The following MAGI2 variants were observed in gnomAD, a reference collection of about 807,000 sequenced individuals.
MAGI2 encodes membrane-associated guanylate kinase, WW and PDZ domain-containing protein 2.
Under a neutral mutation model 133.3 loss-of-function variants are expected in MAGI2, and 35 were observed. The observed-to-expected ratio is 0.26, with a 90% CI of 0.20 to 0.35. The LOEUF is 0.35. Among genes scored for constraint, MAGI2 ranks in the 10% least tolerant of loss-of-function variants. The pLI, the probability that MAGI2 is intolerant of heterozygous loss-of-function variation, is 1.00. For synonymous variants in MAGI2, 729 were observed against 710.6 expected (o/e 1.03, Z -0.41); for missense variants, 1,636 against 1,863.4 (o/e 0.88, Z 2.25).
At chr7:79,288,661 G>A (rs925756689) in intron 1 of MAGI2, among the ~76,000 whole-genome samples, 2 of 152,016 alleles carry the variant, frequency 1.3e-5, no homozygotes, top group East Asian at 1.9e-4. Flanking sequence ...GAACCAGGAC[G>A]TCATTCAGAT....
chr7:78,679,086 TAA>T (rs1465601465), intron 2 of MAGI2, among the ~76,000 whole-genome samples: 6 of 152,164 alleles, frequency 3.9e-5, no homozygotes, highest in Non-Finnish European at 8.8e-5. Flanking sequence ...ACTGAAATAT[TAA>T]GTGTGTCTAC....
intron 1 of MAGI2, among the ~76,000 whole-genome samples, chr7:79,082,072 C>A (rs1472375014): frequency 6.6e-6 from 1 of 151,962 alleles, no homozygotes; most frequent in East Asian, 1.9e-4. Context: ...AGTTACATGT[C>A]TTTTTATTGT....
intron 10 of MAGI2, among the ~76,000 whole-genome samples, chr7:78,204,977 T>A (rs6967095): frequency 6.6e-6 from 1 of 152,064 alleles, no homozygotes; most frequent in Admixed American, 6.5e-5. Context: ...TATTTGTAAC[T>A]CTGCATCTAA....
chr7:79,277,718 G>A (rs1270400589), intron 1 of MAGI2, among the ~76,000 whole-genome samples: 2 of 152,032 alleles, frequency 1.3e-5, no homozygotes, highest in Non-Finnish European at 2.9e-5. Flanking sequence ...CTCACTATAG[G>A]CCCTTGACTT....
intron 2 of MAGI2, among the ~76,000 whole-genome samples, chr7:78,823,791 A>G (rs2151430623): frequency 6.6e-6 from 1 of 152,286 alleles, no homozygotes; most frequent in African/African-American, 2.4e-5. Flanking sequence ...AAAATTTTCT[A>G]GTGGCAAATA....
chr7:78,674,722 G>A (rs1019723221), intron 2 of MAGI2, among the ~76,000 whole-genome samples: 1 of 152,080 alleles, frequency 6.6e-6, no homozygotes, highest in Admixed American at 6.6e-5. Flanking sequence ...TCAGGAAAGA[G>A]ATTATATGCA....
At chr7:79,376,827 TGTGTGTGTGTGTGG>T (rs1843413348) in intron 1 of MAGI2, among the ~76,000 whole-genome samples, 1 of 150,362 alleles carries the variant, frequency 6.7e-6, no homozygotes, top group Non-Finnish European at 1.5e-5. Flanking sequence ...TGTGTGTGTG[TGTGTGTGTGTGTGG>T]GTGTATGGCG....
chr7:79,438,387 C>T (rs1037905001), intron 1 of MAGI2, among the ~76,000 whole-genome samples: 7 of 152,024 alleles, frequency 4.6e-5, no homozygotes, highest in African/African-American at 1.7e-4. Flanking sequence ...ATCTAAATTG[C>T]TTTAAGTAAA....
chr7:79,177,730 T>C (rs1447308456), intron 1 of MAGI2, among the ~76,000 whole-genome samples: 2 of 152,068 alleles, frequency 1.3e-5, no homozygotes, highest in Non-Finnish European at 2.9e-5. Flanking sequence ...ATGCTAACCA[T>C]TTAGTCTTCC....
intron 9 of MAGI2, among the ~76,000 whole-genome samples, chr7:78,317,828 T>C (rs1301510387): frequency 6.6e-6 from 1 of 152,188 alleles, no homozygotes; most frequent in East Asian, 1.9e-4. Context: ...TAGCCTCTGC[T>C]GGTGATACCC....
intron 1 of MAGI2, among the ~76,000 whole-genome samples, chr7:79,331,353 C>A (rs1563123340): frequency 6.6e-6 from 1 of 152,082 alleles, no homozygotes; most frequent in Non-Finnish European, 1.5e-5. Flanking sequence ...GGAAAACTGT[C>A]AACCTCAGAT....
At chr7:79,029,653 T>C (rs548920713) in intron 1 of MAGI2, among the ~76,000 whole-genome samples, 121 of 152,340 alleles carry the variant, frequency 7.9e-4, no homozygotes, top group Non-Finnish European at 1.2e-3. Flanking sequence ...TAAGGTTTTG[T>C]TCACTCAGTG....
At chr7:79,404,886 C>A (rs727391) in intron 1 of MAGI2, among the ~76,000 whole-genome samples, 26,211 of 151,988 alleles carry the variant, frequency 0.17, 2,526 homozygotes, top group African/African-American at 0.25. Context: ...CATATGTGTC[C>A]TCCTAGGCCC....
chr7:78,925,946 A>G (rs1010362591), intron 2 of MAGI2, among the ~76,000 whole-genome samples: 1 of 152,024 alleles, frequency 6.6e-6, no homozygotes, highest in Non-Finnish European at 1.5e-5. Context: ...TGCTGTTCAC[A>G]TTACATGCCC....
chr7:78,078,775 CGTGTGTGTGTGTATGTGTGT>C (rs1554438508), intron 21 of MAGI2, 152 bp downstream of exon 21: 2 of 594,208 alleles, frequency 3.4e-6, no homozygotes, highest in Non-Finnish European at 5.7e-6. Context: ...CATAAACATA[CGTGTGTGTGTGTATGTGTGT>C]GTGTGTGTGT....
chr7:79,100,096 C>A (rs570599859), intron 1 of MAGI2, among the ~76,000 whole-genome samples: 62 of 150,466 alleles, frequency 4.1e-4, no homozygotes, highest in Admixed American at 2.6e-3. Context: ...GCATATTATT[C>A]CATTTTATGC....
intron 1 of MAGI2, among the ~76,000 whole-genome samples, chr7:79,233,353 G>C: frequency 1.2e-5 from 1 of 81,648 alleles, no homozygotes; most frequent in African/African-American, 4.9e-5. Context: ...TATCCTTGTT[G>C]ACTTTCTGTC....
intron 2 of MAGI2, among the ~76,000 whole-genome samples, chr7:78,818,014 C>A (rs1041771091): frequency 5.3e-5 from 8 of 152,146 alleles, no homozygotes; most frequent in Non-Finnish European, 8.8e-5. Flanking sequence ...TGGTCTGGAA[C>A]TGAACTCATA....
chr7:78,418,978 G>A (rs1240052760), intron 6 of MAGI2, among the ~76,000 whole-genome samples: 1 of 152,050 alleles, frequency 6.6e-6, no homozygotes, highest in Non-Finnish European at 1.5e-5. Flanking sequence ...AATTGCCCCT[G>A]CCAAAATGAT....
Sources: gnomAD v4.1 joint callset for allele counts (sites outside exome capture counted in the v4.1 genomes callset) on GRCh38, gnomAD v4.1.1 for gene constraint, MANE v1.5 for transcripts, NCBI Gene and HGNC (gene_info 2026-07-23, HGNC 2026-07-21) for gene names.